Variants in NR2C2 observed in about 807,000 individuals in gnomAD.
The protein encoded by NR2C2 is Nuclear hormone receptor TR4.
A neutral mutation model predicts 62.9 loss-of-function variants in NR2C2; 6 were observed. The ratio of observed to expected loss-of-function variants is 0.10; its 90% CI spans 0.05 to 0.19. The LOEUF (loss-of-function observed/expected upper bound fraction) is 0.19. Ranked by LOEUF, NR2C2 falls within the 10% of genes least tolerant of loss-of-function variation. The pLI, the probability that NR2C2 is intolerant of heterozygous loss-of-function variation, is 1.00. For synonymous variants in NR2C2, 272 were observed against 273.8 expected (o/e 0.99, Z 0.07); for missense variants, 479 against 762.7 (o/e 0.63, Z 4.38).
intron 10 of NR2C2, among the ~76,000 whole-genome samples, chr3:15,032,975 T>C (rs1310250825): frequency 6.9e-5 from 9 of 130,080 alleles, no homozygotes; most frequent in Non-Finnish European, 1.1e-4. Flanking sequence ...CCCCCCCCCC[T>C]TTTCTTGCTT....
At position 15,044,399 on chromosome 3, in the gene NR2C2, G is replaced by T. The variant is rs144110583; in HGVS notation, c.*1391G>T. Reference sequence around the variant, plus strand: ...TTAAAAACAACCCTCAATTTCCAGGGTGATAGTCTTTCTCCTCATAAATTG... The same window carrying T: ...TTAAAAACAACCCTCAATTTCCAGGTTGATAGTCTTTCTCCTCATAAATTG... On this transcript the variant is annotated 3_prime_UTR_variant, in exon 14 of 14. Transcript: ENST00000425241. The T allele has an allele frequency of 6.6e-6, 1 of 152,130 alleles. No individual in the cohort carries two copies. Among genetic ancestry groups the T allele is most frequent in the Non-Finnish European group, 1.5e-5 (1 of 68,038 alleles). The allele number at this position is 152,130 out of a possible 1,614,324, so 9.4% of individuals were successfully genotyped here.
At chr3:15,010,009 C>T (rs1278976451) in intron 2 of NR2C2, among the ~76,000 whole-genome samples, 1 of 152,164 alleles carries the variant, frequency 6.6e-6, no homozygotes, top group Non-Finnish European at 1.5e-5. Context: ...TCATCTTATC[C>T]TAATTACATT....
chr3:14,988,394 A>G (rs2040569083), intron 1 of NR2C2, among the ~76,000 whole-genome samples: 1 of 152,238 alleles, frequency 6.6e-6, no homozygotes. Context: ...AGGAATTCTT[A>G]TATTTCCTAG....
chr3:14,948,112 T>G (rs1381549888), intron 1 of NR2C2: 2 of 151,504 alleles, frequency 1.3e-5, no homozygotes, highest in African/African-American at 4.8e-5. Flanking sequence ...GCGAGCGGGT[T>G]CCCCCTGACC....
In NR2C2 at chr3:14,999,793, T is replaced by G. The variant is rs1044562271; in HGVS notation, c.-39-4083T>G. Among the ~76,000 whole-genome samples, 3 of 152,320 alleles carry G rather than the reference T, an allele frequency of 2.0e-5. No homozygotes were observed. In the South Asian group the frequency reaches 6.2e-4, roughly 32 times the overall value. ...GCCTATTGAATTATCGTGGCACCTT[T>G]ATCAAATTTGAACATATAGGTGAGG... On this transcript the variant is annotated intron_variant, in intron 1 of 13. Transcript: ENST00000425241.
intron 1 of NR2C2, among the ~76,000 whole-genome samples, chr3:14,978,315 C>T (rs2040266042): frequency 1.3e-5 from 2 of 152,160 alleles, no homozygotes; most frequent in Non-Finnish European, 2.9e-5. Context: ...CTTAAACATG[C>T]TCAGAACACT....
intron 1 of NR2C2, among the ~76,000 whole-genome samples, chr3:14,961,729 T>C (rs2039692070): frequency 2.0e-5 from 3 of 152,258 alleles, no homozygotes. Context: ...GTGATCTTTC[T>C]CAATTTTTAC....
chr3:15,010,365 A>C (rs1293084609), intron 2 of NR2C2, among the ~76,000 whole-genome samples: 6 of 150,866 alleles, frequency 4.0e-5, no homozygotes, highest in African/African-American at 1.2e-4. Flanking sequence ...AAAAAAAAAA[A>C]CCCAAAATTA....
At chr3:14,987,972 A>G (rs1309134750) in intron 1 of NR2C2, among the ~76,000 whole-genome samples, 2 of 152,236 alleles carry the variant, frequency 1.3e-5, no homozygotes, top group Non-Finnish European at 2.9e-5. Flanking sequence ...CCGGAAACAT[A>G]GCATAATTTA....
Position 15,020,861 on chromosome 3 carries a change from A to G in NR2C2, c.485A>G (p.Asn162Ser), listed in dbSNP as rs2041651066. The change falls in exon 5 of 14, where the codon AAT becomes AGT. Residue 162 changes from asparagine (N) to serine (S), a missense_variant. Around this residue, in one of 4 missense-constraint regions of NR2C2, gnomAD observed 51 missense variants for 137.5 expected, o/e 0.37. Coordinates refer to ENST00000425241, the MANE Select transcript of NR2C2 (RefSeq NM_001291694.2). ...CGGAGCAACCAAGACTGCATCATCA[A>G]TAAACATCACCGGAACCGCTGTCAG... ...SCRSNQDCII[N>S]KHHRNRCQFC... The G allele has an allele frequency of 6.2e-7, 1 of 1,614,206 alleles. No individual in the cohort carries two copies. The highest frequency in any genetic ancestry group is 8.5e-7 in the Non-Finnish European group (1 of 1,180,030).
intron 1 of NR2C2, among the ~76,000 whole-genome samples, chr3:14,953,768 G>A (rs373407878): frequency 6.6e-5 from 10 of 151,898 alleles, no homozygotes; most frequent in South Asian, 4.2e-4. Context: ...GGTGGCAGGC[G>A]CCTGTAATCC....
chr3:14,994,514 C>A (rs2040765526), intron 1 of NR2C2, among the ~76,000 whole-genome samples: 1 of 140,316 alleles, frequency 7.1e-6, no homozygotes, highest in African/African-American at 2.7e-5. Flanking sequence ...GCAATCTCAG[C>A]TCACTGCAAC....
intron 10 of NR2C2, 108 bp downstream of exon 10, chr3:15,032,608 C>T (rs1232251914): frequency 7.3e-7 from 1 of 1,360,620 alleles, no homozygotes; most frequent in South Asian, 1.2e-5. Flanking sequence ...TTTCTATGAC[C>T]TCATTCAAAG....
At chr3:14,990,519 A>G (rs1224885055) in intron 1 of NR2C2, among the ~76,000 whole-genome samples, 2 of 152,238 alleles carry the variant, frequency 1.3e-5, no homozygotes, top group Non-Finnish European at 2.9e-5. Flanking sequence ...GGGCATCTTT[A>G]AACAGCCCTG....
rs1471984612 is a variant in NR2C2, at chr3:15,030,275, G to A, written c.933G>A (p.Arg311=). The A allele has an allele frequency of 6.2e-6, 10 of 1,606,626 alleles. No homozygotes were observed. The highest frequency in any genetic ancestry group is 1.3e-5 in the African/African-American group (1 of 74,382). ...PEDQSASEIT[R]AFDTLAKALN... The stretch of plus-strand genomic sequence containing the variant: ...TTACATGCTTCATTTTTGCTCACAG[G>A]GCATTTGATACCTTAGCTAAAGCAC... Residue 311 remains arginine, a splice_region_variant and synonymous_variant, in exon 9 of 14, where the codon CGG becomes CGA. Coordinates refer to ENST00000425241, the MANE Select transcript of NR2C2 (RefSeq NM_001291694.2).
At chr3:15,041,381 G>A (rs368170235) in intron 13 of NR2C2, among the ~76,000 whole-genome samples, 24 of 152,052 alleles carry the variant, frequency 1.6e-4, no homozygotes, top group African/African-American at 4.8e-4. Flanking sequence ...TTACACCTTC[G>A]TGTGCCCTGC....
At chr3:15,008,975 C>T (rs2124961744) in intron 2 of NR2C2, among the ~76,000 whole-genome samples, 1 of 152,324 alleles carries the variant, frequency 6.6e-6, no homozygotes, top group East Asian at 1.9e-4. Flanking sequence ...AATCCCAGCA[C>T]TTTGGGAGGC....
chr3:14,957,297 T>C (rs994060189), intron 1 of NR2C2, among the ~76,000 whole-genome samples: 4 of 152,230 alleles, frequency 2.6e-5, no homozygotes, highest in Admixed American at 2.6e-4. Flanking sequence ...CCAGGACTTG[T>C]TCATTGTTAT....
In NR2C2 at chr3:14,953,947, A is replaced by G. The variant is rs569394786; in HGVS notation, c.-40+6041A>G. Reference sequence around the variant, plus strand: ...TGGATGGCTCTTGAGAAGTTACACAATACTAGCGGGCTTCATGCTGCATTT... The same window carrying G: ...TGGATGGCTCTTGAGAAGTTACACAGTACTAGCGGGCTTCATGCTGCATTT... On this transcript the variant is annotated intron_variant, in intron 1 of 13. Transcript: ENST00000425241. Among the ~76,000 whole-genome samples, 5 of 152,126 alleles carry G rather than the reference A, an allele frequency of 3.3e-5. No homozygotes were observed. The South Asian group carries it at 1.0e-3, about 32-fold the overall frequency.
Sources: allele counts gnomAD v4.1 joint callset (sites outside exome capture counted in the v4.1 genomes callset), GRCh38; gene constraint gnomAD v4.1.1; regional missense constraint gnomAD v4.1.1; transcripts MANE v1.5; gene names NCBI Gene and HGNC (gene_info 2026-07-23, HGNC 2026-07-21).